Variants in EYA1 observed in about 807,000 individuals in gnomAD.
EYA1 encodes EYA transcriptional coactivator and phosphatase 1.
EYA1 carries 16 observed loss-of-function variants against 82.0 expected under a neutral mutation model. The observed-to-expected ratio is 0.20, with a 90% confidence interval of 0.13 to 0.30. EYA1 has a LOEUF of 0.30. Among genes scored for constraint, EYA1 ranks in the 10% least tolerant of loss-of-function variants. EYA1 has a pLI of 1.00. For missense variants in EYA1, 633 were observed against 730.7 expected (o/e 0.87, Z 1.54); for synonymous variants, 261 against 264.4 (o/e 0.99, Z 0.12).
rs544308031 is a variant in EYA1 at position 71,329,287 on chromosome 8, T to C, written c.202+4810A>G. Among the ~76,000 whole-genome samples, 7 of 152,310 alleles carry C rather than the reference T, an allele frequency of 4.6e-5. No homozygotes were observed. In the South Asian group the frequency reaches 1.5e-3, roughly 32 times the overall value. ...CCTTCTTCTTTCTACCCGTCTTGAA[T>C]ACATGAAAAATTATTTTAAACCATT... On this transcript the variant is annotated intron_variant, in intron 4 of 17. Transcript: ENST00000340726.
chr8:71,377,900 G>C (rs1051940105), intron 2 of EYA1, among the ~76,000 whole-genome samples: 2 of 152,046 alleles, frequency 1.3e-5, no homozygotes, highest in Non-Finnish European at 2.9e-5. Context: ...TTCCCTCTTT[G>C]AAATGTTCTC....
chr8:71,382,418 T>C (rs1828755804), intron 2 of EYA1, among the ~76,000 whole-genome samples: 1 of 152,130 alleles, frequency 6.6e-6, no homozygotes, highest in African/African-American at 2.4e-5. Flanking sequence ...ATATCCTAAT[T>C]ATTCCAATGT....
intron 2 of EYA1, among the ~76,000 whole-genome samples, chr8:71,413,540 T>C (rs1830712158): frequency 6.6e-6 from 1 of 152,246 alleles, no homozygotes; most frequent in South Asian, 2.1e-4. Context: ...ATCTATTTTA[T>C]TGCATTGGAA....
chr8:71,452,300 G>A lies in EYA1; in HGVS notation c.33+83444C>T, dbSNP rs547888241. On this transcript the variant is annotated intron_variant, in intron 2 of 18. Coordinates refer to the EYA1 transcript ENST00000643681. ...CTTGAACTGGGTGGAGTCCACCACA[G>A]CTCAAGGAGGCCTGCCTGCCTCTGT... is the stretch of plus-strand genomic sequence containing the variant. Among the ~76,000 whole-genome samples, 8 of 152,344 alleles carry A rather than the reference G, an allele frequency of 5.3e-5. No individual in the cohort carries two copies. The East Asian group carries it at 1.5e-3, about 29-fold the overall frequency.
At chr8:71,414,579 C>A (rs1383689612) in intron 2 of EYA1, among the ~76,000 whole-genome samples, 1 of 152,198 alleles carries the variant, frequency 6.6e-6, no homozygotes, top group Non-Finnish European at 1.5e-5. Flanking sequence ...TACCTGCAAT[C>A]CCTTCTCTGA....
rs143689576 is a variant in EYA1 at position 71,417,217 on chromosome 8, T to C, written c.34-60706A>G. On this transcript the variant is annotated intron_variant, in intron 2 of 18. Transcript: ENST00000643681. ...GATCATGTGAGTCAGTACTCCTTAA[T>C]AAATTCCCCTTTATATATACATCTA... Among the ~76,000 whole-genome samples, 892 of 152,322 alleles carry C rather than the reference T, an allele frequency of 5.9e-3. 12 individuals are homozygous for C. The highest frequency in any genetic ancestry group is 0.021 in the African/African-American group (859 of 41,560).
upstream of EYA1, among the ~76,000 whole-genome samples, chr8:71,364,931 G>T (rs1186920473): frequency 1.3e-5 from 1 of 76,528 alleles, no homozygotes; most frequent in Admixed American, 1.5e-4. Context: ...CAAAAAAAAA[G>T]CAAATGTCAT....
At chr8:71,407,773 A>C (rs2129135895) in intron 2 of EYA1, among the ~76,000 whole-genome samples, 1 of 140,352 alleles carries the variant, frequency 7.1e-6, no homozygotes, top group East Asian at 2.0e-4. Context: ...GATGCGGAGA[A>C]TGGAACCAAG....
chr8:71,501,420 T>C (rs1811796102), intron 2 of EYA1, among the ~76,000 whole-genome samples: 1 of 152,224 alleles, frequency 6.6e-6, no homozygotes, highest in African/African-American at 2.4e-5. Context: ...GAATTATATA[T>C]GTACATATTG....
intron 2 of EYA1, among the ~76,000 whole-genome samples, chr8:71,492,865 A>G (rs1030079184): frequency 3.9e-5 from 6 of 152,236 alleles, no homozygotes; most frequent in African/African-American, 1.4e-4. Context: ...TCACCCAGGT[A>G]TTAAGCCTAG....
chr8:71,388,228 G>A (rs1177461275), intron 2 of EYA1, among the ~76,000 whole-genome samples: 1 of 152,122 alleles, frequency 6.6e-6, no homozygotes, highest in East Asian at 1.9e-4. Context: ...GATCCCCAAG[G>A]TCTTATAGCG....
intron 9 of EYA1, among the ~76,000 whole-genome samples, chr8:71,296,348 G>A (rs1230994410): frequency 6.6e-6 from 1 of 150,864 alleles, no homozygotes; most frequent in African/African-American, 2.5e-5. Flanking sequence ...CTTTAAAAAG[G>A]CACAAAAAAC....
intron 12 of EYA1, among the ~76,000 whole-genome samples, chr8:71,240,479 G>GCTTTGCTACTAA (rs1275085913): frequency 6.6e-6 from 1 of 152,006 alleles, no homozygotes; most frequent in Non-Finnish European, 1.5e-5. Context: ...GCTACTAACG[G>GCTTTGCTACTAA]GGTGAGCGTG....
At chr8:71,439,205 A>T (rs1356458575) in intron 2 of EYA1, among the ~76,000 whole-genome samples, 5 of 152,200 alleles carry the variant, frequency 3.3e-5, no homozygotes, top group Admixed American at 2.0e-4. Context: ...CAAAGCTGGG[A>T]CTAGAACCCA....
At chr8:71,208,388 C>T (rs1052814250) in intron 17 of EYA1, among the ~76,000 whole-genome samples, 6 of 152,022 alleles carry the variant, frequency 3.9e-5, no homozygotes, top group East Asian at 1.9e-4. Flanking sequence ...GCCGAGATCG[C>T]GCTACTGCAC....
In EYA1 at chr8:71,334,176, T is replaced by C. The variant is rs759708198; in HGVS notation, c.125-2A>G. ...TGCTGCTCATTGGCTCTGTTTTAAC[T>C]ACAAAAATAAACAACATACATCGAT... On this transcript the variant is annotated splice_acceptor_variant, in intron 3 of 17. Coordinates refer to ENST00000340726, the MANE Select transcript of EYA1 (RefSeq NM_000503.6). LOFTEE classifies it high-confidence loss of function. The C allele has an allele frequency of 4.4e-6, 7 of 1,608,774 alleles. No individual in the cohort carries two copies. The highest frequency in any genetic ancestry group is 5.1e-6 in the Non-Finnish European group (6 of 1,175,220).
chr8:71,266,946 C>A (rs1016124782), intron 11 of EYA1, among the ~76,000 whole-genome samples: 2 of 152,202 alleles, frequency 1.3e-5, no homozygotes, highest in African/African-American at 2.4e-5. Context: ...CAATTCAAAT[C>A]ATTTCTAAAT....
intron 2 of EYA1, among the ~76,000 whole-genome samples, chr8:71,472,440 T>C (rs1809276383): frequency 1.3e-5 from 2 of 152,134 alleles, no homozygotes; most frequent in Admixed American, 6.6e-5. Flanking sequence ...GTTTTAACCT[T>C]GTATGCAGTT....
At chr8:71,334,872 C>T (rs553799784) in intron 3 of EYA1, among the ~76,000 whole-genome samples, 1 of 152,290 alleles carries the variant, frequency 6.6e-6, no homozygotes, top group African/African-American at 2.4e-5. Flanking sequence ...TTGGTCAAGT[C>T]CCTTTGTGCT....
Sources: gnomAD v4.1 joint callset for allele counts (sites outside exome capture counted in the v4.1 genomes callset) on GRCh38, gnomAD v4.1.1 for gene constraint, MANE v1.5 for transcripts, NCBI Gene and HGNC (gene_info 2026-07-23, HGNC 2026-07-21) for gene names.